AFAP1L2: variants seen among roughly 807,000 people sequenced by gnomAD.
AFAP1L2 encodes actin filament-associated protein 1-like 2.
A neutral mutation model predicts 99.3 loss-of-function variants in AFAP1L2; 46 were observed. The observed-to-expected ratio is 0.46, with a 90% confidence interval of 0.37 to 0.59. The LOEUF is 0.59. Ranked by LOEUF, AFAP1L2 falls within the 20% of genes least tolerant of loss-of-function variation. AFAP1L2 has a pLI of 0.00. For synonymous variants in AFAP1L2, 397 were observed against 419.1 expected (o/e 0.95, Z 0.64); for missense variants, 959 against 1,034.9 (o/e 0.93, Z 1.01).
chr10:114,357,741 A>G (rs2051608144), intron 1 of AFAP1L2, among the ~76,000 whole-genome samples: 2 of 152,234 alleles, frequency 1.3e-5, no homozygotes, highest in Admixed American at 1.3e-4. Flanking sequence ...GCATTAATGT[A>G]GCTGTGTCCC....
chr10:114,394,414 G>A (rs1590857769), intron 1 of AFAP1L2, among the ~76,000 whole-genome samples: 1 of 151,354 alleles, frequency 6.6e-6, no homozygotes, highest in Non-Finnish European at 1.5e-5. Context: ...TGAAATGAGA[G>A]CCTGAGACCA....
intron 4 of AFAP1L2, among the ~76,000 whole-genome samples, chr10:114,324,887 C>T (rs1454223662): frequency 6.6e-6 from 1 of 152,192 alleles, no homozygotes; most frequent in Non-Finnish European, 1.5e-5. Flanking sequence ...TTGGGGGACC[C>T]AGGATGGAGG....
chr10:114,297,046 T>C lies in AFAP1L2; in HGVS notation c.2362A>G (p.Thr788Ala). Residue 788 changes from threonine (T) to alanine (A), a missense_variant, in exon 18 of 19, where the codon ACC (threonine) becomes GCC (alanine). Thr to Ala is a moderately conservative substitution (Grantham distance 58). Coordinates refer to ENST00000304129, the MANE Select transcript of AFAP1L2 (RefSeq NM_001001936.3). ...APDCTPVNSATTLKNRPLSVV... is the reference protein window; with the variant it reads ...APDCTPVNSAATLKNRPLSVV... Reference sequence around the variant, plus strand: ...GAGAGAGGCCTGTTCTTGAGTGTGGTTGCAGAGTTGACTGGGGTACAGTCT... The same window carrying C: ...GAGAGAGGCCTGTTCTTGAGTGTGGCTGCAGAGTTGACTGGGGTACAGTCT... The C allele has an allele frequency of 6.2e-7, 1 of 1,614,076 alleles. No individual in the cohort carries two copies. The highest frequency in any genetic ancestry group is 8.5e-7 in the Non-Finnish European group (1 of 1,179,988).
chr10:114,296,077 C>T lies in AFAP1L2; in HGVS notation c.2431-9G>A. The T allele has an allele frequency of 6.2e-7, 1 of 1,614,136 alleles. No individual in the cohort carries two copies. The highest frequency in any genetic ancestry group is 8.5e-7 in the Non-Finnish European group (1 of 1,179,998). ...CCTTTCTTCTCCCATTCCTAGGGTA[C>T]CATTCAAATACCAGCACCCACCCCC... On this transcript the variant is annotated splice_polypyrimidine_tract_variant and intron_variant, in intron 18 of 18. Transcript: ENST00000304129.
At chr10:114,286,584 CCAT>C in the AFAP1L2 span, 2 of 1,327,100 alleles carry the variant, frequency 1.5e-6, no homozygotes, top group Non-Finnish European at 1.0e-6. Context: ...CACCACCTAA[CCAT>C]CATTTTCTGC....
rs191042724 is a variant in AFAP1L2, at chr10:114,318,307, C to G, written c.407-2542G>C. ...TACTGTGAAGAATTTGGGTAAGTCT[C>G]CACTGTTCTGTGCTTCTGGGGTTGC... On this transcript the variant is annotated intron_variant, in intron 5 of 18. Transcript: ENST00000304129. Among the ~76,000 whole-genome samples, 465 of 152,314 alleles carry G rather than the reference C, an allele frequency of 3.1e-3. 6 individuals carry two copies. The highest frequency in any genetic ancestry group is 2.8e-3 in the Non-Finnish European group (190 of 68,016).
chr10:114,306,775 C>T (rs2042522754), intron 10 of AFAP1L2, among the ~76,000 whole-genome samples: 1 of 152,098 alleles, frequency 6.6e-6, no homozygotes, highest in South Asian at 2.1e-4. Context: ...AGGAAGCATA[C>T]TTCACTGCTG....
chr10:114,381,373 T>C (rs2137421489), intron 1 of AFAP1L2, among the ~76,000 whole-genome samples: 1 of 152,174 alleles, frequency 6.6e-6, no homozygotes. Flanking sequence ...GTTTTAGGGA[T>C]GAGGATGAGG....
intron 1 of AFAP1L2, among the ~76,000 whole-genome samples, chr10:114,353,218 T>G (rs1262966607): frequency 6.6e-6 from 1 of 152,180 alleles, no homozygotes; most frequent in African/African-American, 2.4e-5. Flanking sequence ...AATGTTGGCC[T>G]GAAACTTTTG....
At chr10:114,326,049 G>C (rs747489342) in intron 4 of AFAP1L2, 1 of 1,288,498 alleles carries the variant, frequency 7.8e-7, no homozygotes, top group African/African-American at 1.5e-5. Context: ...CTCTAGAGTC[G>C]AACAGGACAA....
intron 1 of AFAP1L2, among the ~76,000 whole-genome samples, chr10:114,384,851 C>T (rs1176476133): frequency 6.6e-6 from 1 of 152,236 alleles, no homozygotes; most frequent in Non-Finnish European, 1.5e-5. Context: ...CCAAAGGCTC[C>T]AGGCCTGGTT....
chr10:114,381,239 G>A (rs2055573773), intron 1 of AFAP1L2, among the ~76,000 whole-genome samples: 1 of 152,206 alleles, frequency 6.6e-6, no homozygotes. Context: ...AACTTGGATT[G>A]AACCTTGAAA....
chr10:114,338,813 A>C (rs72826917), intron 2 of AFAP1L2, among the ~76,000 whole-genome samples: 13,308 of 152,288 alleles, frequency 0.087, 778 homozygotes, highest in Non-Finnish European at 0.13. Flanking sequence ...GTTTTGGGTG[A>C]TCAGGACGCA....
intron 2 of AFAP1L2, among the ~76,000 whole-genome samples, chr10:114,335,651 AGG>A (rs528823028): frequency 5.1e-4 from 78 of 152,214 alleles, no homozygotes; most frequent in African/African-American, 1.9e-3. Context: ...GTCTACCAAT[AGG>A]TTAAACATTA....
intron 8 of AFAP1L2, 141 bp from the exon 9 acceptor site, chr10:114,308,658 G>A: frequency 4.3e-6 from 3 of 690,920 alleles, no homozygotes; most frequent in Non-Finnish European, 7.3e-6. Flanking sequence ...CACCTAAACG[G>A]CAGAATCCAG....
At chr10:114,291,122 A>T (rs1296620757), downstream of AFAP1L2, 2 of 1,411,450 alleles carry the variant, frequency 1.4e-6, no homozygotes, top group African/African-American at 2.8e-5. Context: ...TGGGTTGTAG[A>T]GTAAGAGCAG....
rs1487573863 is a variant in AFAP1L2 at position 114,300,520 on chromosome 10, G to A, written c.1713C>T (p.Ala571=). The change falls in exon 14 of 19, where the codon GCC becomes GCT. Residue 571 remains alanine (A), a synonymous_variant. Coordinates refer to ENST00000304129, the MANE Select transcript of AFAP1L2 (RefSeq NM_001001936.3). ...GACCTGGGCCTGAGTCTGCCGGGAG[G>A]GCCTCAGTTGCATTGTCCAGGCAGG... ...TLSCLDNATE[A]LPADSGPGPT... 1 of 1,614,118 alleles carries A rather than the reference G, an allele frequency of 6.2e-7. No homozygotes were observed. The highest frequency in any genetic ancestry group is 8.5e-7 in the Non-Finnish European group (1 of 1,180,010).
intron 1 of AFAP1L2, among the ~76,000 whole-genome samples, chr10:114,374,722 C>T (rs1161318448): frequency 6.6e-6 from 1 of 151,836 alleles, no homozygotes; most frequent in Non-Finnish European, 1.5e-5. Context: ...GAAAGAGCTT[C>T]CAACTAAGAG....
chr10:114,382,391 T>C (rs1355288081), intron 1 of AFAP1L2, among the ~76,000 whole-genome samples: 1 of 152,078 alleles, frequency 6.6e-6, no homozygotes, highest in Non-Finnish European at 1.5e-5. Flanking sequence ...CACTTACATG[T>C]GAGAGCTAAA....
Sources: gnomAD v4.1 joint callset for allele counts (sites outside exome capture counted in the v4.1 genomes callset) on GRCh38, gnomAD v4.1.1 for gene constraint, MANE v1.5 for transcripts, NCBI Gene and HGNC (gene_info 2026-07-23, HGNC 2026-07-21) for gene names.